MPHOSPH9: variants seen among roughly 807,000 people sequenced by gnomAD.
MPHOSPH9 encodes M-phase phosphoprotein 9.
MPHOSPH9 carries 88 observed loss-of-function variants against 145.5 expected under a neutral mutation model. The ratio of observed to expected loss-of-function variants is 0.60; its 90% CI spans 0.51 to 0.72. The LOEUF is 0.72. Among genes scored for constraint, MPHOSPH9 ranks in the 30% least tolerant of loss-of-function variants. MPHOSPH9 has a pLI of 0.00. For missense variants in MPHOSPH9, 1,238 were observed against 1,386.6 expected (o/e 0.89, Z 1.70); for synonymous variants, 435 against 486.2 (o/e 0.89, Z 1.39).
intron 1 of MPHOSPH9, among the ~76,000 whole-genome samples, chr12:123,239,649 G>T (rs531042482): frequency 2.0e-5 from 3 of 152,110 alleles, no homozygotes; most frequent in African/African-American, 7.2e-5. Flanking sequence ...TGATCTGCCC[G>T]CCTTGGCCTC....
At chr12:123,153,631 G>A (rs2043812134), downstream of MPHOSPH9, among the ~76,000 whole-genome samples, 4 of 151,850 alleles carry the variant, frequency 2.6e-5, no homozygotes, top group South Asian at 8.3e-4. Flanking sequence ...AACCAGGCGT[G>A]GTATGCACCT....
chr12:123,186,855 G>A (rs1300221021), intron 13 of MPHOSPH9, among the ~76,000 whole-genome samples: 1 of 152,186 alleles, frequency 6.6e-6, no homozygotes, highest in Non-Finnish European at 1.5e-5. Context: ...CAGCTACTCA[G>A]GAGGCTGAGG....
At chr12:123,157,217 G>C (rs1026134508) in intron 23 of MPHOSPH9, among the ~76,000 whole-genome samples, 1 of 152,018 alleles carries the variant, frequency 6.6e-6, no homozygotes, top group African/African-American at 2.4e-5. Flanking sequence ...GCTGAAGTGA[G>C]AACAGTACAA....
At chr12:123,211,299 T>G (rs2046702866) in intron 7 of MPHOSPH9, among the ~76,000 whole-genome samples, 2 of 151,306 alleles carry the variant, frequency 1.3e-5, no homozygotes, top group Admixed American at 1.3e-4. Flanking sequence ...TTTTGTATTT[T>G]TAGTAGAGAT....
At position 123,194,515 on chromosome 12, in the gene MPHOSPH9, T is replaced by C. The variant is rs922753408; in HGVS notation, c.2112A>G (p.Lys704=). 1.2e-6 allele frequency: 2 copies of C among 1,613,338 alleles called. No individual in the cohort carries two copies. Among genetic ancestry groups the C allele is most frequent in the Non-Finnish European group, 8.5e-7 (1 of 1,179,870 alleles). Reference sequence around the variant, plus strand: ...GTCGAATGATGGTATTGTCTTTTTCTTTACTGCTTGTTCTCATTTCTTCAA... The same window carrying C: ...GTCGAATGATGGTATTGTCTTTTTCCTTACTGCTTGTTCTCATTTCTTCAA... ...ERIEEMRTSS[K]EKDNTIIRLK... is the part of the protein sequence containing the mutation. Residue 704 remains lysine (K), a synonymous_variant, in exon 13 of 24, where the codon AAA becomes AAG. Transcript: ENST00000606320.
chr12:123,217,448 C>T (rs1240561570), intron 6 of MPHOSPH9, among the ~76,000 whole-genome samples: 18 of 152,122 alleles, frequency 1.2e-4, no homozygotes, highest in South Asian at 2.1e-4. Context: ...CTGCCCACCC[C>T]GGCCTCCCAA....
intron 16 of MPHOSPH9, among the ~76,000 whole-genome samples, chr12:123,167,843 A>G (rs1239838211): frequency 6.6e-6 from 1 of 152,052 alleles, no homozygotes; most frequent in Non-Finnish European, 1.5e-5. Context: ...CAGACTTTAG[A>G]GCCTGCCTTG....
Position 123,193,092 on chromosome 12 carries a change from A to AT in MPHOSPH9, c.2241+1293_2241+1294insA, listed in dbSNP as rs1264858518. ...CTTTCAAAAAAAAAAAAAAAAAAAA[A>AT]AAAAATATATATATATACACACACA... is the stretch of plus-strand genomic sequence containing the variant. On this transcript the variant is annotated intron_variant, in intron 13 of 23. Coordinates refer to ENST00000606320, the MANE Select transcript of MPHOSPH9 (RefSeq NM_022782.4). Among the ~76,000 whole-genome samples, 135 of 60,336 alleles carry AT rather than the reference A, an allele frequency of 2.2e-3. 5 individuals carry two copies. Among genetic ancestry groups the AT allele is most frequent in the African/African-American group, 5.6e-3 (122 of 21,816 alleles). 39.6% of individuals were successfully genotyped at this position (60,336 alleles called of 152,430 possible).
intron 23 of MPHOSPH9, 64 bp from the exon 24 acceptor site, chr12:123,156,972 A>C: frequency 8.1e-7 from 1 of 1,236,492 alleles, no homozygotes; most frequent in Non-Finnish European, 1.1e-6. Context: ...ATCACCACCA[A>C]ACTGACCTTT....
intron 23 of MPHOSPH9, among the ~76,000 whole-genome samples, chr12:123,157,109 G>A (rs2043899608): frequency 6.6e-6 from 1 of 152,124 alleles, no homozygotes; most frequent in South Asian, 2.1e-4. Flanking sequence ...AATAACTGCT[G>A]TACTTTAAAA....
Position 123,154,224 on chromosome 12 carries a change from T to C in MPHOSPH9, c.*2583A>G, listed in dbSNP as rs1486709272. The C allele has an allele frequency of 6.6e-6, 1 of 151,492 alleles. No individual in the cohort carries two copies. Among genetic ancestry groups the C allele is most frequent in the South Asian group, 2.1e-4 (1 of 4,812 alleles). 9.4% of individuals were successfully genotyped at this position (151,492 alleles called of 1,614,324 possible). ...GCAGATTTGCTTAGGGTTTTTTTTT[T>C]TTTTTTCTTTTTAAACTATTAATAC... On this transcript the variant is annotated 3_prime_UTR_variant, in exon 24 of 24. Coordinates refer to ENST00000606320, the MANE Select transcript of MPHOSPH9 (RefSeq NM_022782.4).
At chr12:123,225,543 A>C in intron 3 of MPHOSPH9, among the ~76,000 whole-genome samples, 3 of 7,420 alleles carry the variant, frequency 4.0e-4, no homozygotes, top group East Asian at 4.7e-3. Context: ...GGAGGGAGGG[A>C]GGGGGTGGGA....
At chr12:123,214,194 C>T (rs1399259778) in intron 7 of MPHOSPH9, among the ~76,000 whole-genome samples, 1 of 152,136 alleles carries the variant, frequency 6.6e-6, no homozygotes, top group Non-Finnish European at 1.5e-5. Context: ...AAAACAACTG[C>T]AAAAGTACTT....
intron 1 of MPHOSPH9, among the ~76,000 whole-genome samples, chr12:123,232,235 A>T (rs2047674121): frequency 6.6e-6 from 1 of 152,002 alleles, no homozygotes. Context: ...TTCCCCTGCT[A>T]AGGTAATCCG....
chr12:123,153,597 G>A (rs182984264), downstream of MPHOSPH9, among the ~76,000 whole-genome samples: 97 of 151,936 alleles, frequency 6.4e-4, 1 homozygote, highest in African/African-American at 1.7e-3. Context: ...TGAGAACCCC[G>A]TCTCTACCGA....
chr12:123,184,855 G>A (rs556976436), intron 13 of MPHOSPH9, among the ~76,000 whole-genome samples: 196 of 152,234 alleles, frequency 1.3e-3, no homozygotes, highest in Middle Eastern at 0.01. Context: ...CCAGGCTGGT[G>A]TGCAGTGGTG....
At chr12:123,218,300 T>A in intron 6 of MPHOSPH9, 76 bp downstream of exon 6, 3 of 1,537,290 alleles carry the variant, frequency 2.0e-6, no homozygotes, top group South Asian at 1.2e-5. Context: ...GGCACAAGAG[T>A]TTTGTTCATG....
chr12:123,241,560 G>A (rs893619925), intron 1 of MPHOSPH9, among the ~76,000 whole-genome samples: 6 of 152,020 alleles, frequency 3.9e-5, no homozygotes, highest in Non-Finnish European at 8.8e-5. Context: ...GGATGGTCTC[G>A]AATTCCTGAC....
At position 123,176,674 on chromosome 12, in the gene MPHOSPH9, A is replaced by T. The variant is rs1443900083; in HGVS notation, c.2456+14T>A. ...CTATTTCTAGCTTTATAGAGAGTAA[A>T]TGAAATAACTTACTTGGCACGCGAG... On this transcript the variant is annotated intron_variant, in intron 16 of 23. Coordinates refer to ENST00000606320, the MANE Select transcript of MPHOSPH9 (RefSeq NM_022782.4). The T allele has an allele frequency of 6.3e-7, 1 of 1,579,780 alleles. No individual in the cohort carries two copies. Among genetic ancestry groups the T allele is most frequent in the African/African-American group, 1.3e-5 (1 of 74,224 alleles).
Sources: allele counts gnomAD v4.1 joint callset (sites outside exome capture counted in the v4.1 genomes callset), GRCh38; gene constraint gnomAD v4.1.1; transcripts MANE v1.5; gene names NCBI Gene and HGNC (gene_info 2026-07-23, HGNC 2026-07-21).